Variants in PRKG1 observed in about 807,000 individuals in gnomAD.
PRKG1 encodes the protein cGMP-dependent protein kinase 1.
In PRKG1, 35 loss-of-function variants were observed where a neutral mutation model predicts 88.1. That is an observed-to-expected ratio of 0.40 (90% CI 0.30 to 0.53). PRKG1 has a LOEUF of 0.53. PRKG1 is among the 20% of genes least tolerant of loss of function. PRKG1 has a pLI of 0.59. For missense variants in PRKG1, 540 were observed against 839.8 expected, an observed-to-expected ratio of 0.64 and a Z score of 4.41; for synonymous variants, 303 against 292.5, an observed-to-expected ratio of 1.04 and a Z score of -0.37.
At chr10:51,980,697 A>G (rs1337048179) in intron 5 of PRKG1, among the ~76,000 whole-genome samples, 2 of 152,212 alleles carry the variant, frequency 1.3e-5, no homozygotes, top group Non-Finnish European at 2.9e-5. Flanking sequence ...TAGGATAGTT[A>G]GGTCTTCTTG....
At chr10:51,466,545 T>C (rs1399056360) in intron 2 of PRKG1, among the ~76,000 whole-genome samples, 1 of 152,000 alleles carries the variant, frequency 6.6e-6, no homozygotes, top group Non-Finnish European at 1.5e-5. Flanking sequence ...CACGTACCAC[T>C]AGTATATGGA....
chr10:52,250,815 G>A (rs983149993), intron 9 of PRKG1, among the ~76,000 whole-genome samples: 8 of 152,050 alleles, frequency 5.3e-5, no homozygotes, highest in Non-Finnish European at 7.4e-5. Flanking sequence ...ACTTGCATGC[G>A]TCAGGTTTGC....
At chr10:51,147,807 T>C (rs1564617845) in intron 1 of PRKG1, among the ~76,000 whole-genome samples, 2 of 152,180 alleles carry the variant, frequency 1.3e-5, no homozygotes, top group African/African-American at 4.8e-5. Context: ...GTCATAAGAT[T>C]GGGATAGCTA....
intron 3 of PRKG1, among the ~76,000 whole-genome samples, chr10:51,676,682 G>A (rs138469347): frequency 2.0e-5 from 3 of 152,158 alleles, no homozygotes; most frequent in East Asian, 3.9e-4. Flanking sequence ...TTATTTATTT[G>A]TTTTCTGCTT....
At chr10:51,762,952 A>G (rs186808223) in intron 3 of PRKG1, among the ~76,000 whole-genome samples, 98 of 151,440 alleles carry the variant, frequency 6.5e-4, no homozygotes, top group African/African-American at 2.3e-3. Flanking sequence ...ATTCAAGTTT[A>G]AAATCTGGTA....
rs1267497718 is a variant in PRKG1 at position 51,602,780 on chromosome 10, G to GTGTA, written c.592+134945_592+134946insGTAT. Among the ~76,000 whole-genome samples, 467 of 126,436 alleles carry GTGTA rather than the reference G, an allele frequency of 3.7e-3. 4 individuals carry two copies. The highest frequency in any genetic ancestry group is 0.015 in the Middle Eastern group (4 of 262). 82.9% of individuals were successfully genotyped at this position (126,436 alleles called of 152,430 possible). On this transcript the variant is annotated intron_variant, in intron 3 of 17. Coordinates refer to ENST00000373980, the MANE Select transcript of PRKG1 (RefSeq NM_006258.4). ...TGTGTGTGTGTGTGTGTGTGTGTGT[G>GTGTA]TATATATTCATATATATATTAATTT... is the stretch of plus-strand genomic sequence containing the variant.
At chr10:52,242,522 C>T (rs1298122459) in intron 9 of PRKG1, among the ~76,000 whole-genome samples, 1 of 152,114 alleles carries the variant, frequency 6.6e-6, no homozygotes, top group Admixed American at 6.6e-5. Context: ...CCAATGATTC[C>T]ATTAAAGTAA....
At chr10:51,931,110 C>T (rs574509587) in intron 5 of PRKG1, among the ~76,000 whole-genome samples, 1 of 152,224 alleles carries the variant, frequency 6.6e-6, no homozygotes, top group South Asian at 2.1e-4. Context: ...ATGTAAGTTT[C>T]GTCTCTGCGC....
Position 51,919,741 on chromosome 10 carries a change from C to T in PRKG1, c.762+12171C>T, listed in dbSNP as rs139927391. Among the ~76,000 whole-genome samples, 102 of 151,766 alleles carry T rather than the reference C, an allele frequency of 6.7e-4. No homozygotes were observed. In the Middle Eastern group the frequency reaches 0.021, roughly 31 times the overall value. On this transcript the variant is annotated intron_variant, in intron 5 of 17. Coordinates refer to ENST00000373980, the MANE Select transcript of PRKG1 (RefSeq NM_006258.4). ...TATCCTGTTTGTTGTTTTCTTAATC[C>T]TTTTGTACAGTTTGTACTACAAAGC...
intron 2 of PRKG1, among the ~76,000 whole-genome samples, chr10:51,408,045 A>G (rs1407404038): frequency 6.6e-6 from 1 of 152,218 alleles, no homozygotes; most frequent in Non-Finnish European, 1.5e-5. Flanking sequence ...TTTCATGGGA[A>G]CAGGAAGCAA....
intron 5 of PRKG1, among the ~76,000 whole-genome samples, chr10:52,051,067 C>T (rs1359761031): frequency 4.6e-5 from 7 of 152,074 alleles, no homozygotes; most frequent in Admixed American, 2.6e-4. Flanking sequence ...ACAATAAGAA[C>T]GAATGGCCTC....
intron 1 of PRKG1, among the ~76,000 whole-genome samples, chr10:51,103,463 A>G (rs1844736539): frequency 6.6e-6 from 1 of 152,220 alleles, no homozygotes; most frequent in African/African-American, 2.4e-5. Flanking sequence ...CTCAAGAAAA[A>G]TGAATTTCCC....
Position 51,937,744 on chromosome 10 carries a change from G to C in PRKG1, c.762+30174G>C, listed in dbSNP as rs559410938. 7.9e-4 allele frequency among the ~76,000 whole-genome samples: 120 copies of C among 152,182 alleles called. 1 individual carries two copies. Among genetic ancestry groups the C allele is most frequent in the Admixed American group, 7.4e-3 (113 of 15,246 alleles). Reference sequence around the variant, plus strand: ...AATATTTAAATGCCTGATTTCCACTGACTGAGAGTGCCAAAGTCCAAAAAT... The same window carrying C: ...AATATTTAAATGCCTGATTTCCACTCACTGAGAGTGCCAAAGTCCAAAAAT... On this transcript the variant is annotated intron_variant, in intron 5 of 17. Coordinates refer to ENST00000373980, the MANE Select transcript of PRKG1 (RefSeq NM_006258.4).
intron 1 of PRKG1, among the ~76,000 whole-genome samples, chr10:51,080,227 A>G (rs781447745): frequency 1.3e-5 from 2 of 152,100 alleles, no homozygotes; most frequent in Non-Finnish European, 2.9e-5. Flanking sequence ...ATGCCCCCAA[A>G]ATGGGTCTTA....
intron 1 of PRKG1, among the ~76,000 whole-genome samples, chr10:51,142,830 G>A (rs1334412765): frequency 6.6e-6 from 1 of 151,972 alleles, no homozygotes; most frequent in Non-Finnish European, 1.5e-5. Context: ...TATTATCCAA[G>A]CATAACATTC....
chr10:52,148,612 A>G (rs1157385410), intron 8 of PRKG1, among the ~76,000 whole-genome samples: 6 of 152,206 alleles, frequency 3.9e-5, no homozygotes, highest in African/African-American at 7.2e-5. Flanking sequence ...GAAAGGTAGC[A>G]TAGAGGGAGA....
intron 3 of PRKG1, among the ~76,000 whole-genome samples, chr10:51,475,249 A>G (rs118174554): frequency 6.6e-6 from 1 of 152,116 alleles, no homozygotes; most frequent in Non-Finnish European, 1.5e-5. Flanking sequence ...AGGGAACTTC[A>G]AATGTTTACT....
At chr10:51,476,309 G>T (rs1371410789) in intron 3 of PRKG1, among the ~76,000 whole-genome samples, 3 of 151,976 alleles carry the variant, frequency 2.0e-5, no homozygotes, top group Non-Finnish European at 4.4e-5. Flanking sequence ...TCACTGTGAA[G>T]GTGACAATAG....
chr10:51,762,140 C>G (rs138634005), intron 3 of PRKG1, among the ~76,000 whole-genome samples: 1 of 152,132 alleles, frequency 6.6e-6, no homozygotes, highest in African/African-American at 2.4e-5. Flanking sequence ...CTCAGGGATT[C>G]AAATCCATGG....
Sources: allele counts gnomAD v4.1 joint callset (sites outside exome capture counted in the v4.1 genomes callset), GRCh38; gene constraint gnomAD v4.1.1; transcripts MANE v1.5; gene names NCBI Gene and HGNC (gene_info 2026-07-23, HGNC 2026-07-21).